The following CSMD3 variants were observed in gnomAD, a reference collection of about 807,000 sequenced individuals.
CSMD3 encodes CUB and Sushi multiple domains 3.
Under a neutral mutation model 435.2 loss-of-function variants are expected in CSMD3, and 177 were observed. The observed-to-expected ratio is 0.41, with a 90% CI of 0.36 to 0.46. The LOEUF is 0.46. Among genes scored for constraint, CSMD3 ranks in the 20% least tolerant of loss-of-function variants. CSMD3 has a pLI of 0.34. For synonymous variants in CSMD3, 1,656 were observed against 1,520.5 expected (o/e 1.09, Z -2.07); for missense variants, 4,265 against 4,504.6 (o/e 0.95, Z 1.52).
In CSMD3 at chr8:112,503,927, T is replaced by C. The variant is rs1822243321; in HGVS notation, c.4946A>G (p.Asp1649Gly). ...YDFLYIYDGP[D>G]SNSPLIGSFQ... ...ACTTCCAATCAGTGGGCTATTACTG[T>C]CTGGTCCATCATAGATATAGAGGAA... is the stretch of plus-strand genomic sequence containing the variant. Residue 1649 changes from aspartate (D) to glycine (G), a missense_variant, in exon 30 of 71, where the codon GAC becomes GGC. Asp to Gly is a moderately conservative substitution (Grantham distance 94). Around this residue, in one of 3 missense-constraint regions of CSMD3, gnomAD observed 3,255 missense variants for 3,380.2 expected, o/e 0.96. Transcript: ENST00000297405. 1.2e-6 allele frequency: 2 copies of C among 1,611,892 alleles called. No homozygotes were observed. Among genetic ancestry groups the C allele is most frequent in the Non-Finnish European group, 1.7e-6 (2 of 1,178,476 alleles).
At chr8:113,299,991 CA>C (rs200583396) in intron 2 of CSMD3, among the ~76,000 whole-genome samples, 4,580 of 142,278 alleles carry the variant, frequency 0.032, 75 homozygotes, top group Admixed American at 0.043. Context: ...GCCTCCATCT[CA>C]AAAAAAAAAA....
chr8:113,278,054 C>A (rs544739409), intron 3 of CSMD3, among the ~76,000 whole-genome samples: 1 of 152,042 alleles, frequency 6.6e-6, no homozygotes, highest in East Asian at 1.9e-4. Flanking sequence ...TTGATGCCAA[C>A]TGAGTTTGTA....
chr8:113,127,666 C>T (rs1163482811), intron 4 of CSMD3, among the ~76,000 whole-genome samples: 1 of 151,988 alleles, frequency 6.6e-6, no homozygotes, highest in East Asian at 1.9e-4. Context: ...TGTCTCCTCA[C>T]AAAAATTCTA....
chr8:112,841,884 G>A (rs972073826), intron 11 of CSMD3, among the ~76,000 whole-genome samples: 1 of 151,754 alleles, frequency 6.6e-6, no homozygotes, highest in Non-Finnish European at 1.5e-5. Context: ...ATCAGAAGGG[G>A]TTAAAATTCA....
intron 6 of CSMD3, among the ~76,000 whole-genome samples, chr8:113,011,380 G>A (rs1201277880): frequency 6.6e-6 from 1 of 151,706 alleles, no homozygotes; most frequent in Non-Finnish European, 1.5e-5. Context: ...TTCCAATGTA[G>A]AATAGTTTGT....
At chr8:112,606,640 C>T (rs962294811) in intron 22 of CSMD3, among the ~76,000 whole-genome samples, 5 of 152,114 alleles carry the variant, frequency 3.3e-5, no homozygotes, top group Admixed American at 2.6e-4. Flanking sequence ...CACGTTAGGT[C>T]ACAAAACAAG....
chr8:113,019,217 G>C (rs1371401804), intron 5 of CSMD3, 38 bp from the exon 6 acceptor site: 2 of 1,388,812 alleles, frequency 1.4e-6, no homozygotes, highest in Admixed American at 1.7e-5. Context: ...AATTTAAAAA[G>C]CTTTTCAGCA....
At chr8:112,990,166 A>G (rs2085400682) in intron 6 of CSMD3, among the ~76,000 whole-genome samples, 1 of 151,980 alleles carries the variant, frequency 6.6e-6, no homozygotes, top group Non-Finnish European at 1.5e-5. Flanking sequence ...TATTAGCAGC[A>G]TGAGAACAGA....
chr8:112,701,335 T>A (rs2076384680), intron 13 of CSMD3, among the ~76,000 whole-genome samples: 1 of 152,142 alleles, frequency 6.6e-6, no homozygotes. Context: ...ACTCATGTAA[T>A]TTTTATTGCA....
intron 5 of CSMD3, among the ~76,000 whole-genome samples, chr8:113,081,199 A>G (rs1216800407): frequency 6.6e-6 from 1 of 152,166 alleles, no homozygotes; most frequent in Admixed American, 6.5e-5. Context: ...GCTTTAAATA[A>G]TAGAATTTTA....
At chr8:113,425,890 G>T (rs538610064) in intron 1 of CSMD3, among the ~76,000 whole-genome samples, 2 of 151,594 alleles carry the variant, frequency 1.3e-5, no homozygotes, top group African/African-American at 4.8e-5. Context: ...TAGCAGCCTG[G>T]ATGCAAATTT....
intron 25 of CSMD3, among the ~76,000 whole-genome samples, 155 bp from the exon 26 acceptor site, chr8:112,552,875 AATAT>A (rs1240875993): frequency 2.6e-4 from 39 of 152,284 alleles, no homozygotes; most frequent in African/African-American, 9.4e-4. Context: ...TTGAAGCAAG[AATAT>A]ATAATACAAT....
rs771944516 is a variant in CSMD3, at chr8:112,241,778, A to G, written c.10410T>C (p.Ser3470=). 1 of 1,611,596 alleles carries G rather than the reference A, an allele frequency of 6.2e-7. No homozygotes were observed. The highest frequency in any genetic ancestry group is 1.1e-5 in the South Asian group (1 of 91,050). The change falls in exon 66 of 71, where the codon TCT becomes TCC. Residue 3470 remains serine, a synonymous_variant. Transcript: ENST00000297405. ...TGKVPICEAG[S]KILVKDPRPA... ...GTCTAGGATCTTTCACCAATATTTT[A>G]GAACCAGCTATGAAAAGAAATAAAG...
chr8:113,098,955 C>T lies in CSMD3; in HGVS notation c.718G>A (p.Ala240Thr). 13 of 1,606,272 alleles carry T rather than the reference C, an allele frequency of 8.1e-6. No individual in the cohort carries two copies. Among genetic ancestry groups the T allele is most frequent in the Non-Finnish European group, 1.1e-5 (13 of 1,173,218 alleles). Reference protein sequence around the residue: ...FPVPICRAEDACGGTMRGSSG... With the variant: ...FPVPICRAEDTCGGTMRGSSG... ...GATCCTCTCATTGTTCCTCCACAAG[C>T]ATCTTCAGCTGTTAAAAATGACAAA... Residue 240 changes from alanine to threonine, a missense_variant, in exon 5 of 71, where the codon GCT becomes ACT. Physicochemically the swap from Ala to Thr is moderately conservative, Grantham distance 58 (BLOSUM62 0). Coordinates refer to ENST00000297405, the MANE Select transcript of CSMD3 (RefSeq NM_198123.2).
At chr8:112,727,943 T>C (rs1204257148) in intron 13 of CSMD3, among the ~76,000 whole-genome samples, 1 of 151,936 alleles carries the variant, frequency 6.6e-6, no homozygotes, top group Non-Finnish European at 1.5e-5. Context: ...ATTTGACTTA[T>C]CATATTTTCC....
chr8:112,349,208 C>T (rs142046859), intron 40 of CSMD3, among the ~76,000 whole-genome samples: 8 of 151,738 alleles, frequency 5.3e-5, no homozygotes, highest in East Asian at 3.9e-4. Flanking sequence ...AAACTTTTAA[C>T]GAAAAAGAAG....
chr8:112,398,173 C>T (rs1373007572), intron 35 of CSMD3, among the ~76,000 whole-genome samples: 2 of 152,162 alleles, frequency 1.3e-5, no homozygotes, highest in East Asian at 1.9e-4. Flanking sequence ...CTCTTTGATT[C>T]AATGCTCTGT....
Position 112,556,952 on chromosome 8 carries a change from A to C in CSMD3, c.4045T>G (p.Phe1349Val), listed in dbSNP as rs759617229. Residue 1349 changes from phenylalanine (F) to valine (V), a missense_variant and splice_region_variant, in exon 25 of 71, where the codon TTT (phenylalanine) becomes GTT (valine). Coordinates refer to ENST00000297405, the MANE Select transcript of CSMD3 (RefSeq NM_198123.2). The stretch of plus-strand genomic sequence containing the variant: ...GGATCTTCACAGTGTGAGAGTTCAA[A>C]ACCTGGGACAAAAATATAAATTGAT... ...DEGFQLVYTS[F>V]ELSHCEDPGI... 114 of 1,606,864 alleles carry C rather than the reference A, an allele frequency of 7.1e-5. 3 individuals are homozygous for C. Among genetic ancestry groups the C allele is most frequent in the Non-Finnish European group, 7.0e-5 (82 of 1,174,314 alleles).
At chr8:112,780,426 C>T (rs2078355008) in intron 13 of CSMD3, among the ~76,000 whole-genome samples, 1 of 152,010 alleles carries the variant, frequency 6.6e-6, no homozygotes. Flanking sequence ...ATAGAATCCT[C>T]CAGTGACCGT....
Sources: allele counts gnomAD v4.1 joint callset (sites outside exome capture counted in the v4.1 genomes callset), GRCh38; gene constraint gnomAD v4.1.1; regional missense constraint gnomAD v4.1.1; transcripts MANE v1.5; gene names NCBI Gene and HGNC (gene_info 2026-07-23, HGNC 2026-07-21).